The following CEP85 variants were observed in gnomAD, a reference collection of about 807,000 sequenced individuals.
The protein encoded by CEP85 is centrosomal protein of 85 kDa.
A neutral mutation model predicts 93.7 loss-of-function variants in CEP85; 58 were observed. The ratio of observed to expected loss-of-function variants is 0.62; its 90% CI spans 0.50 to 0.77. CEP85 has a LOEUF of 0.77. CEP85 is among the 30% of genes least tolerant of loss of function. The pLI, the probability that CEP85 is intolerant of heterozygous loss-of-function variation, is 0.00. For missense variants in CEP85, 868 were observed against 922.0 expected, an observed-to-expected ratio of 0.94 and a Z score of 0.76; for synonymous variants, 314 against 338.6, an observed-to-expected ratio of 0.93 and a Z score of 0.80.
At chr1:26,243,649 A>C (rs2089462370) in intron 2 of CEP85, among the ~76,000 whole-genome samples, 1 of 152,068 alleles carries the variant, frequency 6.6e-6, no homozygotes, top group Non-Finnish European at 1.5e-5. Context: ...TGGATTCTTC[A>C]TGGGTCTTAT....
At chr1:26,258,433 C>T (rs902886989) in intron 6 of CEP85, among the ~76,000 whole-genome samples, 173 bp downstream of exon 6, 3 of 152,082 alleles carry the variant, frequency 2.0e-5, no homozygotes, top group Non-Finnish European at 2.9e-5. Flanking sequence ...CTTGTGGGAG[C>T]AGAAAAGGCT....
intron 3 of CEP85, among the ~76,000 whole-genome samples, chr1:26,250,941 T>TTTTTTTTTTTTTTTTC: frequency 9.0e-6 from 1 of 111,098 alleles, no homozygotes; most frequent in Non-Finnish European, 1.8e-5. Context: ...TCTTTTTTTT[T>TTTTTTTTTTTTTTTTC]TTTTTTTTTT....
chr1:26,242,392 T>C (rs896686530), intron 2 of CEP85, among the ~76,000 whole-genome samples: 4 of 152,214 alleles, frequency 2.6e-5, no homozygotes, highest in Non-Finnish European at 5.9e-5. Context: ...TATAGTAGCA[T>C]TGGCTAATCT....
At chr1:26,235,974 C>G (rs1455015176) in intron 1 of CEP85, among the ~76,000 whole-genome samples, 1 of 152,210 alleles carries the variant, frequency 6.6e-6, no homozygotes, top group Non-Finnish European at 1.5e-5. Flanking sequence ...TGACCAAGGA[C>G]AAAGTGAAGA....
chr1:26,256,048 A>G (rs937416084), intron 4 of CEP85, among the ~76,000 whole-genome samples, 183 bp downstream of exon 4: 1 of 152,214 alleles, frequency 6.6e-6, no homozygotes, highest in African/African-American at 2.4e-5. Flanking sequence ...CAAATTAAGC[A>G]CCAGATAGGG....
At chr1:26,235,197 C>G (rs960557431) in intron 1 of CEP85, among the ~76,000 whole-genome samples, 1 of 152,206 alleles carries the variant, frequency 6.6e-6, no homozygotes, top group Admixed American at 6.5e-5. Flanking sequence ...CAGAGCCAGG[C>G]GCATAGTAGG....
intron 2 of CEP85, among the ~76,000 whole-genome samples, 162 bp from the exon 3 acceptor site, chr1:26,243,991 CAAAAAAAAAAAAA>C (rs58751883): frequency 1.8e-5 from 2 of 108,316 alleles, no homozygotes; most frequent in Non-Finnish European, 3.5e-5. Flanking sequence ...GACTCCGTCT[CAAAAAAAAAAAAA>C]AAAAAAAAAA....
chr1:26,276,578 T>TCCAGGAACACCTGCG lies in CEP85; in HGVS notation c.1952_1966dup (p.Glu651_Gln655dup). 1 of 1,614,180 alleles carries TCCAGGAACACCTGCG rather than the reference T, an allele frequency of 6.2e-7. No individual in the cohort carries two copies. The highest frequency in any genetic ancestry group is 1.3e-5 in the African/African-American group (1 of 75,042). On this transcript the variant is annotated inframe_insertion, in exon 13 of 14. Coordinates refer to ENST00000451429, the MANE Select transcript of CEP85 (RefSeq NM_001319944.2). ...GACTTGATTGAGAAGAATCTGACAC[T>TCCAGGAACACCTGCG]CCAGGAACACCTGCGCCAGGCCCAA... is the stretch of plus-strand genomic sequence containing the variant.
At chr1:26,273,615 G>A (rs2090009275) in intron 11 of CEP85, among the ~76,000 whole-genome samples, 1 of 152,168 alleles carries the variant, frequency 6.6e-6, no homozygotes, top group Admixed American at 6.5e-5. Flanking sequence ...TATCAGGTGA[G>A]GCCGGACACG....
At chr1:26,243,864 G>C (rs1410870810) in intron 2 of CEP85, among the ~76,000 whole-genome samples, 2 of 151,896 alleles carry the variant, frequency 1.3e-5, no homozygotes, top group Admixed American at 1.3e-4. Flanking sequence ...TGGGCGTGGT[G>C]GTGGGCGCCT....
intron 2 of CEP85, among the ~76,000 whole-genome samples, chr1:26,240,606 C>T (rs147688064): frequency 3.0e-4 from 46 of 152,122 alleles, no homozygotes; most frequent in Non-Finnish European, 5.0e-4. Flanking sequence ...GTAGAAACCA[C>T]GGATATGGCC....
At chr1:26,268,901 A>G (rs1334313754) in intron 8 of CEP85, among the ~76,000 whole-genome samples, 1 of 152,174 alleles carries the variant, frequency 6.6e-6, no homozygotes, top group Non-Finnish European at 1.5e-5. Context: ...TTGATTCACT[A>G]TTTTAAAGTT....
At position 26,275,028 on chromosome 1, in the gene CEP85, G is replaced by C; in HGVS notation, c.1859G>C (p.Arg620Pro). 6.3e-7 allele frequency: 1 copy of C among 1,586,896 alleles called. No individual in the cohort carries two copies. The highest frequency in any genetic ancestry group is 1.3e-5 in the African/African-American group (1 of 74,310). The part of the protein sequence containing the change: ...TSQALREEAQ[R>P]RDSALQQLRT... ...CAGGCCCTGAGAGAGGAGGCCCAGC[G>C]AAGGGATTCAGCCCTGCAGCAGCTG... Residue 620 changes from arginine (R) to proline (P), a missense_variant, in exon 12 of 14, where the codon CGA (arginine) becomes CCA (proline). Arg to Pro is a moderately radical substitution (Grantham distance 103). Coordinates refer to ENST00000451429, the MANE Select transcript of CEP85 (RefSeq NM_001319944.2).
In CEP85 at chr1:26,236,520, G is replaced by A. The variant is rs1257484016; in HGVS notation, c.-23+2210G>A. ...CAGGAAATTTCTGTCTCCTTCAGTT[G>A]TCCCAAAAATTTCCACCAGTAGCTC... On this transcript the variant is annotated intron_variant, in intron 1 of 13. Transcript: ENST00000451429. Among the ~76,000 whole-genome samples the A allele has an allele frequency of 3.3e-5, 5 of 151,444 alleles. No homozygotes were observed. The East Asian group carries it at 9.7e-4, about 29-fold the overall frequency.
chr1:26,275,228 T>TA (rs974138393), intron 12 of CEP85, among the ~76,000 whole-genome samples, 157 bp downstream of exon 12: 16 of 152,216 alleles, frequency 1.1e-4, no homozygotes, highest in African/African-American at 3.9e-4. Flanking sequence ...GCATCATTCT[T>TA]TATATTACAG....
chr1:26,242,248 A>G (rs1044733894), intron 2 of CEP85, among the ~76,000 whole-genome samples: 1 of 152,204 alleles, frequency 6.6e-6, no homozygotes, highest in Non-Finnish European at 1.5e-5. Context: ...AGTCAGGAAG[A>G]TGGTAATAGA....
intron 1 of CEP85, among the ~76,000 whole-genome samples, chr1:26,235,476 G>T (rs530437955): frequency 6.6e-6 from 1 of 151,804 alleles, no homozygotes; most frequent in East Asian, 1.9e-4. Context: ...GTCTGTGTCA[G>T]CTGTCTGTGT....
chr1:26,250,932 C>CTTTTTTTTT (rs869156420), intron 3 of CEP85, among the ~76,000 whole-genome samples: 1 of 17,506 alleles, frequency 5.7e-5, no homozygotes, highest in South Asian at 1.2e-3. Context: ...TTTCTTTTTT[C>CTTTTTTTTT]TTTTTTTTTT....
At chr1:26,236,077 CT>C (rs1431582588) in intron 1 of CEP85, among the ~76,000 whole-genome samples, 1 of 152,180 alleles carries the variant, frequency 6.6e-6, no homozygotes, top group African/African-American at 2.4e-5. Context: ...TGCTTGATCT[CT>C]TTTTTTGTGT....
Sources: gnomAD v4.1 joint callset for allele counts (sites outside exome capture counted in the v4.1 genomes callset) on GRCh38, gnomAD v4.1.1 for gene constraint, MANE v1.5 for transcripts, NCBI Gene and HGNC (gene_info 2026-07-23, HGNC 2026-07-21) for gene names.